PCCB: variants seen among roughly 807,000 people sequenced by gnomAD.
PCCB encodes the protein propionyl-CoA carboxylase subunit beta.
Under a neutral mutation model 60.7 loss-of-function variants are expected in PCCB, and 43 were observed. The observed-to-expected ratio is 0.71, with a 90% CI of 0.55 to 0.91. The LOEUF (loss-of-function observed/expected upper bound fraction) is 0.91, where lower values mean the gene tolerates loss of function less well. PCCB is among the 40% of genes least tolerant of loss of function. The probability of loss-of-function intolerance (pLI) is 0.00; values close to 1 mark genes in which losing one functional copy is unlikely to be tolerated. For missense variants in PCCB, 766 were observed against 702.8 expected (o/e 1.09, Z -1.02); for synonymous variants, 276 against 255.9 (o/e 1.08, Z -0.75).
chr3:136,309,646 T>C (rs1479463956), intron 9 of PCCB, among the ~76,000 whole-genome samples: 3 of 151,742 alleles, frequency 2.0e-5, no homozygotes, highest in Non-Finnish European at 4.4e-5. Context: ...CAAAAATTTT[T>C]AAAGTTAACT....
In PCCB at chr3:136,250,433, G is replaced by C. The variant is rs777726717; in HGVS notation, c.58G>C (p.Gly20Arg). Residue 20 changes from glycine to arginine, a missense_variant, in exon 1 of 15, where the codon GGT (glycine) becomes CGT (arginine). By Grantham distance (125) the Gly-to-Arg change is moderately radical. Coordinates refer to ENST00000251654, the MANE Select transcript of PCCB (RefSeq NM_000532.5). ...GGCAAGGCTCAGCGTTCTGGCGAGCGGTCTCCGCGCCGCGGTCCGCAGCCT... is the reference window on the plus strand; with the variant it reads ...GGCAAGGCTCAGCGTTCTGGCGAGCCGTCTCCGCGCCGCGGTCCGCAGCCT... The part of the protein sequence containing the change: ...VGARLSVLAS[G>R]LRAAVRSLCS... 1 of 1,595,314 alleles carries C rather than the reference G, an allele frequency of 6.3e-7. No homozygotes were observed. The highest frequency in any genetic ancestry group is 8.5e-7 in the Non-Finnish European group (1 of 1,171,122).
intron 10 of PCCB, among the ~76,000 whole-genome samples, chr3:136,324,980 T>G (rs1576358606): frequency 6.6e-6 from 1 of 151,966 alleles, no homozygotes; most frequent in Admixed American, 6.6e-5. Context: ...GCAACCTCCT[T>G]CTCCCAGGTT....
rs115564688 is a variant in PCCB, at chr3:136,274,233, T to C, written c.544-9604T>C. 3.9e-3 allele frequency among the ~76,000 whole-genome samples: 594 copies of C among 152,264 alleles called. 1 individual carries two copies. Among genetic ancestry groups the C allele is most frequent in the Middle Eastern group, 0.031 (9 of 294 alleles). On this transcript the variant is annotated intron_variant, in intron 5 of 14. Transcript: ENST00000251654. ...ATTGTTTTATAGGCCTTGTGGGTTT[T>C]ATCTTTCAAGAGGTTTTATTTTGGT...
chr3:136,324,355 C>T (rs1356906287), intron 10 of PCCB, among the ~76,000 whole-genome samples: 1 of 152,182 alleles, frequency 6.6e-6, no homozygotes, highest in East Asian at 1.9e-4. Flanking sequence ...TGTGTTGGGG[C>T]TCTCCTTTGA....
intron 5 of PCCB, among the ~76,000 whole-genome samples, chr3:136,276,689 A>G (rs971921213): frequency 5.3e-5 from 8 of 152,160 alleles, no homozygotes; most frequent in African/African-American, 9.7e-5. Flanking sequence ...AGAAGCCCCA[A>G]CTGTGTCTGT....
At chr3:136,280,813 C>T (rs187914800) in intron 5 of PCCB, among the ~76,000 whole-genome samples, 115 of 152,212 alleles carry the variant, frequency 7.6e-4, no homozygotes, top group South Asian at 1.5e-3. Flanking sequence ...CCACTATGCC[C>T]GACCAACCAA....
chr3:136,262,742 G>A (rs915042409), intron 5 of PCCB, among the ~76,000 whole-genome samples: 3 of 152,280 alleles, frequency 2.0e-5, no homozygotes, highest in East Asian at 1.9e-4. Context: ...GGCAGACATT[G>A]TTTTTAATCA....
At chr3:136,329,827 C>A in intron 14 of PCCB, 78 bp from the exon 15 acceptor site, 1 of 1,538,038 alleles carries the variant, frequency 6.5e-7, no homozygotes. Context: ...AGGGATGGTG[C>A]CCAGGCTGAG....
At chr3:136,260,325 G>A (rs1178842076) in intron 3 of PCCB, 154 bp from the exon 4 acceptor site, 5 of 707,552 alleles carry the variant, frequency 7.1e-6, no homozygotes, top group Admixed American at 2.0e-5. Context: ...CCATCCACCT[G>A]CCTTGGCCTC....
At chr3:136,326,260 G>A in intron 10 of PCCB, 1 of 691,286 alleles carries the variant, frequency 1.4e-6, no homozygotes, top group Non-Finnish European at 2.6e-6. Context: ...ATAGAATTAA[G>A]TTGGAAACTC....
intron 5 of PCCB, among the ~76,000 whole-genome samples, chr3:136,264,440 G>GTGTATGTATATATATATATATATATATA: frequency 8.1e-6 from 1 of 123,780 alleles, no homozygotes; most frequent in Non-Finnish European, 1.8e-5. Context: ...ATGTGTGTGT[G>GTGTATGTATATATATATATATATATATA]TATATATGTA....
At chr3:136,259,291 A>T in intron 3 of PCCB, 1 of 483,634 alleles carries the variant, frequency 2.1e-6, no homozygotes. Flanking sequence ...ACATGGCAAA[A>T]CTGTCTCTAA....
intron 10 of PCCB, among the ~76,000 whole-genome samples, chr3:136,318,106 A>G (rs1268197520): frequency 1.3e-5 from 2 of 152,228 alleles, no homozygotes; most frequent in Non-Finnish European, 2.9e-5. Context: ...TGGGAGGCCA[A>G]GGCGGGTGGA....
At chr3:136,282,395 G>A (rs953165807) in intron 5 of PCCB, among the ~76,000 whole-genome samples, 2 of 152,104 alleles carry the variant, frequency 1.3e-5, no homozygotes, top group South Asian at 4.1e-4. Flanking sequence ...ATGTCACTCA[G>A]TTTTTTTATG....
intron 9 of PCCB, among the ~76,000 whole-genome samples, chr3:136,314,700 C>A (rs1451470994): frequency 1.3e-5 from 2 of 152,058 alleles, no homozygotes; most frequent in African/African-American, 4.8e-5. Context: ...AAAAAACTCA[C>A]CATTTGGCAG....
chr3:136,314,556 A>G (rs369122914), intron 9 of PCCB, among the ~76,000 whole-genome samples: 3 of 152,032 alleles, frequency 2.0e-5, no homozygotes, highest in South Asian at 2.1e-4. Flanking sequence ...TTGGGAGGCT[A>G]AGGTGGGAAG....
At chr3:136,268,107 T>TATATACAC (rs1553775770) in intron 5 of PCCB, among the ~76,000 whole-genome samples, 1 of 121,544 alleles carries the variant, frequency 8.2e-6, no homozygotes, top group African/African-American at 3.2e-5. Context: ...TATATATATA[T>TATATACAC]ATATATATAT....
At chr3:136,300,705 A>G (rs973538364) in intron 8 of PCCB, among the ~76,000 whole-genome samples, 3 of 152,252 alleles carry the variant, frequency 2.0e-5, no homozygotes, top group South Asian at 2.1e-4. Context: ...CTTGTTCACT[A>G]TAATGTCCTT....
Position 136,330,013 on chromosome 3 carries a change from A to G in PCCB, c.1607A>G (p.Asn536Ser). The G allele has an allele frequency of 6.2e-7, 1 of 1,614,172 alleles. No individual in the cohort carries two copies. The highest frequency in any genetic ancestry group is 1.1e-5 in the South Asian group (1 of 91,086). Residue 536 changes from asparagine to serine, a missense_variant, in exon 15 of 15, where the codon AAT (asparagine) becomes AGT (serine). By Grantham distance (46) the Asn-to-Ser change is conservative. Coordinates refer to ENST00000251654, the MANE Select transcript of PCCB (RefSeq NM_000532.5). ...CAACGTCCTTGGAGAAAACATGCAA[A>G]TATTCCATTGTAAACAAATCAAAGG... ...KVQRPWRKHA[N>S]IPL
Sources: gnomAD v4.1 joint callset for allele counts (sites outside exome capture counted in the v4.1 genomes callset) on GRCh38, gnomAD v4.1.1 for gene constraint, MANE v1.5 for transcripts, NCBI Gene and HGNC (gene_info 2026-07-23, HGNC 2026-07-21) for gene names.